The following FBXL2 variants were observed in gnomAD, a reference collection of about 807,000 sequenced individuals.
FBXL2 encodes the protein F-box and leucine rich repeat protein 2.
FBXL2 carries 38 observed loss-of-function variants against 69.2 expected under a neutral mutation model. The ratio of observed to expected loss-of-function variants is 0.55; its 90% CI spans 0.42 to 0.72. The LOEUF (loss-of-function observed/expected upper bound fraction) is 0.72, where lower values mean the gene tolerates loss of function less well. FBXL2 is among the 30% of genes least tolerant of loss of function. FBXL2 has a pLI of 0.00. For missense variants in FBXL2, 354 were observed against 520.3 expected (o/e 0.68, Z 3.11); for synonymous variants, 192 against 201.3 (o/e 0.95, Z 0.39).
At chr3:33,394,824 T>G (rs1443351130) in intron 12 of FBXL2, among the ~76,000 whole-genome samples, 2 of 151,354 alleles carry the variant, frequency 1.3e-5, no homozygotes, top group Non-Finnish European at 2.9e-5. Flanking sequence ...CTTGTTTTTT[T>G]TTTTTTTTTT....
At chr3:33,414,644 A>G in the FBXL2 span, among the ~76,000 whole-genome samples, 1 of 152,310 alleles carries the variant, frequency 6.6e-6, no homozygotes, top group Admixed American at 6.5e-5. Flanking sequence ...CTCTAGCTAA[A>G]AAAAGGATGT....
chr3:33,412,849 T>C, the FBXL2 span: 1 of 1,544,132 alleles, frequency 6.5e-7, no homozygotes. Flanking sequence ...GTGCGGAAAA[T>C]GAGTACTTTT....
chr3:33,342,711 CTTTTTTTTTTTTTTTTTTTT>C (rs71070130), intron 2 of FBXL2, among the ~76,000 whole-genome samples: 4 of 37,912 alleles, frequency 1.1e-4, no homozygotes, highest in Admixed American at 4.7e-4. Flanking sequence ...AATATAACTT[CTTTTTTTTTTTTTTTTTTTT>C]TTTTTTTTTT....
intron 2 of FBXL2, 30 bp from the exon 3 acceptor site, chr3:33,358,937 C>A: frequency 2.1e-6 from 3 of 1,409,516 alleles, no homozygotes; most frequent in South Asian, 1.4e-5. Context: ...AACACCATCT[C>A]GTTTTTGTGT....
the FBXL2 span, chr3:33,408,869 G>A: frequency 1.2e-5 from 15 of 1,283,910 alleles, no homozygotes; most frequent in South Asian, 1.7e-4. Context: ...CCTGTTTCAT[G>A]TCTCTTCAGT....
chr3:33,310,713 G>A (rs2037115530), intron 2 of FBXL2, among the ~76,000 whole-genome samples: 1 of 151,718 alleles, frequency 6.6e-6, no homozygotes, highest in African/African-American at 2.4e-5. Context: ...CTTCATTTCT[G>A]AAGGACAGCT....
downstream of FBXL2, among the ~76,000 whole-genome samples, chr3:33,406,001 T>C (rs1240761753): frequency 1.3e-5 from 2 of 152,222 alleles, no homozygotes; most frequent in African/African-American, 4.8e-5. Flanking sequence ...CTATTATCAG[T>C]CAGCTTTCAA....
chr3:33,378,145 C>T lies in FBXL2; in HGVS notation c.892C>T (p.Leu298=). 1.2e-6 allele frequency: 2 copies of T among 1,614,122 alleles called. No homozygotes were observed. Among genetic ancestry groups the T allele is most frequent in the Non-Finnish European group, 1.7e-6 (2 of 1,179,974 alleles). Residue 298 remains leucine, a splice_region_variant and synonymous_variant, in exon 12 of 15, where the codon CTG becomes TTG. Transcript: ENST00000484457. ...LEKMDLEECI[L]ITDSTLIQLS... ...GAAGATGGATCTTGAAGAATGCATCCTGGTGAGTGGACTCCTGACAGCCCT... is the reference window on the plus strand; with the variant it reads ...GAAGATGGATCTTGAAGAATGCATCTTGGTGAGTGGACTCCTGACAGCCCT...
At chr3:33,414,340 C>A in the FBXL2 span, 1 of 151,992 alleles carries the variant, frequency 6.6e-6, no homozygotes, top group South Asian at 2.1e-4. Context: ...GAGAAAATCT[C>A]GTTATCTGAA....
At chr3:33,293,237 A>T (rs892860180) in intron 1 of FBXL2, among the ~76,000 whole-genome samples, 1 of 152,246 alleles carries the variant, frequency 6.6e-6, no homozygotes, top group African/African-American at 2.4e-5. Context: ...CTATATGCCA[A>T]GACTGTCTTA....
chr3:33,351,189 C>T (rs558122823), intron 2 of FBXL2, among the ~76,000 whole-genome samples: 27 of 152,064 alleles, frequency 1.8e-4, no homozygotes, highest in African/African-American at 3.1e-4. Flanking sequence ...TCGCTTGAAC[C>T]GGGAGGCAGA....
intron 9 of FBXL2, 144 bp downstream of exon 9, chr3:33,374,065 C>G: frequency 1.5e-6 from 1 of 680,616 alleles, no homozygotes; most frequent in Non-Finnish European, 2.5e-6. Flanking sequence ...CTTATATAAC[C>G]TACCAATTTG....
At chr3:33,355,244 TTTAATA>T (rs770689776) in intron 2 of FBXL2, among the ~76,000 whole-genome samples, 1 of 152,176 alleles carries the variant, frequency 6.6e-6, no homozygotes, top group Non-Finnish European at 1.5e-5. Context: ...AATATTCCAT[TTTAATA>T]AGAACGTCAA....
intron 4 of FBXL2, among the ~76,000 whole-genome samples, chr3:33,361,643 A>G (rs2041636977): frequency 6.6e-6 from 1 of 152,220 alleles, no homozygotes; most frequent in Admixed American, 6.5e-5. Context: ...ACATCCCAGA[A>G]ATACTTAAAA....
chr3:33,352,310 A>G (rs1356765815), intron 2 of FBXL2, among the ~76,000 whole-genome samples: 3 of 152,216 alleles, frequency 2.0e-5, no homozygotes, highest in African/African-American at 7.2e-5. Flanking sequence ...CCTTTCACAA[A>G]TATCAACTCA....
Position 33,393,208 on chromosome 3 carries a change from A to T in FBXL2, n.1214+7480A>T, listed in dbSNP as rs538414375. The T allele has an allele frequency of 2.5e-6, 3 of 1,191,242 alleles. No homozygotes were observed. The African/African-American group carries it at 4.7e-5, about 19-fold the overall frequency. 73.8% of individuals were successfully genotyped at this position (1,191,242 alleles called of 1,614,324 possible). On this transcript the variant is annotated intron_variant and non_coding_transcript_variant, in intron 12 of 12. Transcript: ENST00000463736. Reference sequence around the variant, plus strand: ...TCCCAACTCTCTGAAAATGATTCTCATAAGTATTTTCAAAAGAGGTCACAG... The same window carrying T: ...TCCCAACTCTCTGAAAATGATTCTCTTAAGTATTTTCAAAAGAGGTCACAG...
In FBXL2 at chr3:33,301,622, T is replaced by C. The variant is rs552103154; in HGVS notation, c.65+3897T>C. ...TTTTTAGTTTGTTACTGAACAAGTTTTTACAGTTTTGCTTTTTAAAATCCA... is the reference window on the plus strand; with the variant it reads ...TTTTTAGTTTGTTACTGAACAAGTTCTTACAGTTTTGCTTTTTAAAATCCA... On this transcript the variant is annotated intron_variant, in intron 2 of 14. Coordinates refer to ENST00000484457, the MANE Select transcript of FBXL2 (RefSeq NM_012157.5). Among the ~76,000 whole-genome samples, 20 of 152,336 alleles carry C rather than the reference T, an allele frequency of 1.3e-4. 1 individual carries two copies. The East Asian group carries it at 2.7e-3, about 21-fold the overall frequency.
chr3:33,416,052 G>GC, the FBXL2 span: 2 of 152,126 alleles, frequency 1.3e-5, no homozygotes, highest in Non-Finnish European at 2.9e-5. Flanking sequence ...CCAATAGAAT[G>GC]CCCCTCCACA....
rs563595735 is a variant in FBXL2, at chr3:33,321,274, C to T, written c.65+23549C>T. Among the ~76,000 whole-genome samples, 13 of 147,140 alleles carry T rather than the reference C, an allele frequency of 8.8e-5. No individual in the cohort carries two copies. In the East Asian group the frequency reaches 2.6e-3, roughly 29 times the overall value. On this transcript the variant is annotated intron_variant, in intron 2 of 14. Transcript: ENST00000484457. ...GCAGTGAGCTGAGATTGCACCATTG[C>T]ACTCCAGCCTGGGTGACAGAGCCTG... is the stretch of plus-strand genomic sequence containing the variant.
Sources: gnomAD v4.1 joint callset for allele counts (sites outside exome capture counted in the v4.1 genomes callset) on GRCh38, gnomAD v4.1.1 for gene constraint, MANE v1.5 for transcripts, NCBI Gene and HGNC (gene_info 2026-07-23, HGNC 2026-07-21) for gene names.